CPLX4: variants seen among roughly 807,000 people sequenced by gnomAD.
CPLX4 encodes complexin-4.
CPLX4 carries 17 observed loss-of-function variants against 16.1 expected under a neutral mutation model. The observed-to-expected ratio is 1.06, with a 90% confidence interval of 0.72 to 1.59. The LOEUF is 1.59. Ranked by LOEUF, CPLX4 falls within the 40% of genes most tolerant of loss-of-function variation. CPLX4 has a pLI of 0.00. For missense variants in CPLX4, 193 were observed against 192.9 expected (o/e 1.00, Z 0.00); for synonymous variants, 55 against 57.8 (o/e 0.95, Z 0.22).
chr18:59,310,233 CT>C (rs1437831981), intron 2 of CPLX4, among the ~76,000 whole-genome samples: 1 of 152,056 alleles, frequency 6.6e-6, no homozygotes, highest in Non-Finnish European at 1.5e-5. Flanking sequence ...GTCCCTCCCC[CT>C]AGCTGGCTTT....
chr18:59,301,308 G>C (rs1603391334), intron 2 of CPLX4, among the ~76,000 whole-genome samples: 1 of 152,214 alleles, frequency 6.6e-6, no homozygotes, highest in Non-Finnish European at 1.5e-5. Flanking sequence ...AGTGTGGCTA[G>C]AAGAGAGACC....
chr18:59,313,986 G>T (rs893863956), intron 1 of CPLX4, among the ~76,000 whole-genome samples: 2 of 152,108 alleles, frequency 1.3e-5, no homozygotes, highest in Non-Finnish European at 2.9e-5. Context: ...TCTATGTCTT[G>T]ACTCCGAGTT....
chr18:59,310,522 C>A (rs1023833855), intron 2 of CPLX4, among the ~76,000 whole-genome samples: 1 of 152,290 alleles, frequency 6.6e-6, no homozygotes, highest in African/African-American at 2.4e-5. Context: ...GGCTTGGGGC[C>A]TTGAGGCTCA....
chr18:59,305,895 T>C (rs1405740392), intron 2 of CPLX4, among the ~76,000 whole-genome samples: 1 of 151,990 alleles, frequency 6.6e-6, no homozygotes, highest in African/African-American at 2.4e-5. Flanking sequence ...AGATAACTCA[T>C]AAAGAAGAAG....
intron 2 of CPLX4, among the ~76,000 whole-genome samples, chr18:59,308,462 G>A (rs1210254435): frequency 2.2e-5 from 3 of 139,390 alleles, no homozygotes; most frequent in Non-Finnish European, 4.8e-5. Flanking sequence ...AAAATAGTAA[G>A]GCTTTTTTTT....
chr18:59,313,992 G>C (rs545678508), intron 1 of CPLX4, among the ~76,000 whole-genome samples: 7 of 152,156 alleles, frequency 4.6e-5, no homozygotes, highest in African/African-American at 1.4e-4. Context: ...TCTTGACTCC[G>C]AGTTTGTAAA....
intron 2 of CPLX4, among the ~76,000 whole-genome samples, chr18:59,308,813 C>T (rs2070596113): frequency 6.6e-6 from 1 of 152,230 alleles, no homozygotes; most frequent in Admixed American, 6.5e-5. Context: ...CCCCCGCAGC[C>T]TCTTTTTCGC....
At chr18:59,309,822 C>CA (rs369580193) in intron 2 of CPLX4, among the ~76,000 whole-genome samples, 3,262 of 86,856 alleles carry the variant, frequency 0.038, 100 homozygotes, top group African/African-American at 0.063. Flanking sequence ...GACTCTGTGT[C>CA]AAAAAAAAAA....
In CPLX4 at chr18:59,296,904, T is replaced by C; in HGVS notation, c.277A>G (p.Ile93Val). ...LPKSEMDENQIQMAGDDVDLP... is the reference protein window; with the variant it reads ...LPKSEMDENQVQMAGDDVDLP... ...TCCACATCATCTCCAGCCATCTGGA[T>C]TTGATTCTCATCCATTTCACTCTAT... The change falls in exon 3 of 3, where the codon ATC becomes GTC. Residue 93 changes from isoleucine (I) to valine (V), a missense_variant. Coordinates refer to ENST00000299721, the MANE Select transcript of CPLX4 (RefSeq NM_181654.4). 1 of 1,611,610 alleles carries C rather than the reference T, an allele frequency of 6.2e-7. No homozygotes were observed. Among genetic ancestry groups the C allele is most frequent in the Non-Finnish European group, 8.5e-7 (1 of 1,179,596 alleles).
Position 59,318,157 on chromosome 18 carries a change from C to G in CPLX4, c.167+139G>C, listed in dbSNP as rs991284556. On this transcript the variant is annotated intron_variant, in intron 1 of 2. Coordinates refer to ENST00000299721, the MANE Select transcript of CPLX4 (RefSeq NM_181654.4). ...GGAACCGTTTACTTTAGAAGAACAA[C>G]CTTTCCTTGGGTTAGAGGTAAACGG... 7.2e-6 allele frequency: 10 copies of G among 1,387,388 alleles called. No homozygotes were observed. In the African/African-American group the frequency reaches 1.3e-4, roughly 18 times the overall value. 85.9% of individuals were successfully genotyped at this position (1,387,388 alleles called of 1,614,324 possible). A position where few individuals can be genotyped will look rare whatever the true frequency, so the allele number is the denominator to read the frequency against.
intron 1 of CPLX4, among the ~76,000 whole-genome samples, chr18:59,317,870 T>G (rs2144195406): frequency 6.6e-6 from 1 of 152,068 alleles, no homozygotes; most frequent in Non-Finnish European, 1.5e-5. Context: ...CCCTCTATGT[T>G]ATTTTAGGCC....
chr18:59,298,104 T>C (rs1214969272), intron 2 of CPLX4, among the ~76,000 whole-genome samples: 2 of 152,130 alleles, frequency 1.3e-5, no homozygotes, highest in African/African-American at 4.8e-5. Context: ...TTTTTTTTTT[T>C]TTTTAGACAG....
chr18:59,297,454 A>G (rs144191074), intron 2 of CPLX4, among the ~76,000 whole-genome samples: 144 of 151,728 alleles, frequency 9.5e-4, no homozygotes, highest in African/African-American at 3.2e-3. Context: ...ATTTTTTTGT[A>G]TTTTTAGTAG....
In CPLX4 at chr18:59,318,291, C is replaced by T. The variant is rs1390896778; in HGVS notation, c.167+5G>A. ...TTTAAGGGAAATGAAATAGCATGTA[C>T]TCACTTCTCCTCAATCATTTGCTTT... On this transcript the variant is annotated splice_donor_5th_base_variant and intron_variant, in intron 1 of 2. Transcript: ENST00000299721. 1.9e-6 allele frequency: 3 copies of T among 1,599,348 alleles called. No individual in the cohort carries two copies. Among genetic ancestry groups the T allele is most frequent in the East Asian group, 4.5e-5 (2 of 44,714 alleles).
intron 2 of CPLX4, among the ~76,000 whole-genome samples, chr18:59,299,714 G>C (rs1328028112): frequency 6.6e-6 from 1 of 152,194 alleles, no homozygotes; most frequent in Non-Finnish European, 1.5e-5. Context: ...GTTGCCTTAT[G>C]GAGAGGATCT....
rs1351900015 is a variant in CPLX4 at position 59,304,923 on chromosome 18, CAGTGTGTGTGTGTG to C, written c.255+7748_255+7761del. Among the ~76,000 whole-genome samples the C allele has an allele frequency of 9.3e-5, 9 of 96,348 alleles. 1 individual carries two copies. In the East Asian group the frequency reaches 2.3e-3, roughly 25 times the overall value. The allele number at this position is 96,348 out of a possible 152,430, so 63.2% of individuals were successfully genotyped here. A position where few individuals can be genotyped will look rare whatever the true frequency, so the allele number is the denominator to read the frequency against. On this transcript the variant is annotated intron_variant, in intron 2 of 2. Coordinates refer to ENST00000299721, the MANE Select transcript of CPLX4 (RefSeq NM_181654.4). ...CAATAACATCCATTTACTCAACAAT[CAGTGTGTGTGTGTG>C]TGTGTGTGTGTGTGTGTGTGTGTGT...
chr18:59,300,201 C>A (rs1012236599), intron 2 of CPLX4, among the ~76,000 whole-genome samples: 3 of 152,092 alleles, frequency 2.0e-5, no homozygotes, highest in Non-Finnish European at 4.4e-5. Context: ...GGAGTGGTGG[C>A]ACACACCTGT....
intron 2 of CPLX4, among the ~76,000 whole-genome samples, chr18:59,304,908 C>T (rs1364124504): frequency 6.8e-6 from 1 of 147,062 alleles, no homozygotes; most frequent in African/African-American, 2.6e-5. Flanking sequence ...CAATAACATC[C>T]ATTTACTCAA....
chr18:59,302,052 G>T (rs141397649), intron 2 of CPLX4, among the ~76,000 whole-genome samples: 1 of 152,206 alleles, frequency 6.6e-6, no homozygotes, highest in Non-Finnish European at 1.5e-5. Flanking sequence ...TGAAAGAGAC[G>T]GTGGGAGAGT....
Sources: allele counts gnomAD v4.1 joint callset (sites outside exome capture counted in the v4.1 genomes callset), GRCh38; gene constraint gnomAD v4.1.1; transcripts MANE v1.5; gene names NCBI Gene and HGNC (gene_info 2026-07-23, HGNC 2026-07-21).